Variants in FRMPD4 observed in about 807,000 individuals in gnomAD.
The protein encoded by FRMPD4 is FERM and PDZ domain containing 4.
In FRMPD4, 22 loss-of-function variants were observed where a neutral mutation model predicts 94.1. The ratio of observed to expected loss-of-function variants is 0.23; its 90% CI spans 0.17 to 0.33. FRMPD4 has a LOEUF of 0.33. Among genes scored for constraint, FRMPD4 ranks in the 10% least tolerant of loss-of-function variants. The pLI is 1.00. For synonymous variants in FRMPD4, 631 were observed against 548.6 expected (o/e 1.15, Z -2.10); for missense variants, 1,111 against 1,339.9 (o/e 0.83, Z 2.67).
At chrX:11,930,687 A>AT (rs1175466487) in intron 3 of FRMPD4, among the ~76,000 whole-genome samples, 1 of 111,993 alleles carries the variant, frequency 8.9e-6, no homozygotes, top group African/African-American at 3.2e-5. Context: ...CACAGGAAGC[A>AT]TGAAGATTTG....
intron 1 of FRMPD4, among the ~76,000 whole-genome samples, chrX:12,445,170 CAA>C (rs2057180539): frequency 8.9e-6 from 1 of 111,877 alleles, no homozygotes; most frequent in Admixed American, 9.5e-5. Context: ...CAGTGTTTCT[CAA>C]AGAGTGGTCC....
chrX:12,652,607 A>G (rs930770237), intron 4 of FRMPD4, among the ~76,000 whole-genome samples: 1 of 111,888 alleles, frequency 8.9e-6, no homozygotes, highest in African/African-American at 3.2e-5. Flanking sequence ...TTTTCATACA[A>G]GTAGATTTAA....
intron 3 of FRMPD4, among the ~76,000 whole-genome samples, chrX:11,924,289 C>A (rs1047795413): frequency 9.8e-5 from 11 of 111,693 alleles, no homozygotes; most frequent in Non-Finnish European, 7.5e-5. Context: ...TGACTGGTGT[C>A]CCCGAAAGAG....
intron 1 of FRMPD4, among the ~76,000 whole-genome samples, chrX:12,379,743 GAGTT>G (rs780090706): frequency 6.4e-5 from 7 of 109,041 alleles, no homozygotes; most frequent in African/African-American, 2.0e-4. Context: ...GTCAGCAGCA[GAGTT>G]AGTTAGCAAA....
At chrX:11,953,187 T>G (rs780613769) in intron 3 of FRMPD4, among the ~76,000 whole-genome samples, 38 of 112,293 alleles carry the variant, frequency 3.4e-4, no homozygotes, top group African/African-American at 1.2e-3. Flanking sequence ...CCTACACCTG[T>G]TGGTTTCTCA....
intron 1 of FRMPD4, among the ~76,000 whole-genome samples, chrX:12,470,561 T>G (rs1391119860): frequency 8.9e-6 from 1 of 112,369 alleles, no homozygotes; most frequent in Non-Finnish European, 1.9e-5. Flanking sequence ...TCTTTGTGGC[T>G]AGGCTCACAC....
At chrX:12,374,341 C>T (rs772147838) in intron 1 of FRMPD4, among the ~76,000 whole-genome samples, 7 of 111,614 alleles carry the variant, frequency 6.3e-5, no homozygotes, top group African/African-American at 1.6e-4. Context: ...AATTAGAAAG[C>T]GTAACTTAAA....
At chrX:11,845,540 T>G (rs956597985) in intron 1 of FRMPD4, among the ~76,000 whole-genome samples, 8 of 108,288 alleles carry the variant, frequency 7.4e-5, no homozygotes, top group Non-Finnish European at 1.2e-4. Flanking sequence ...GAGGCCAGCA[T>G]CATCCTGATA....
At chrX:11,877,996 G>A (rs2053794542) in exon 3 of FRMPD4, among the ~76,000 whole-genome samples, 1 of 112,116 alleles carries the variant, frequency 8.9e-6, no homozygotes, top group Non-Finnish European at 1.9e-5. Flanking sequence ...GGCAGCTGAG[G>A]ATGAAGGAGA....
intron 3 of FRMPD4, among the ~76,000 whole-genome samples, chrX:11,886,550 T>A (rs2147317872): frequency 9.0e-6 from 1 of 111,390 alleles, no homozygotes; most frequent in East Asian, 2.8e-4. Context: ...GTATTACAGA[T>A]AATTGCTGAC....
chrX:11,828,899 T>C (rs1454373252), intron 1 of FRMPD4, among the ~76,000 whole-genome samples: 1 of 112,493 alleles, frequency 8.9e-6, no homozygotes, highest in Non-Finnish European at 1.9e-5. Context: ...GTTAGTCCAC[T>C]GACAATTTTG....
chrX:11,959,388 G>A (rs924954572), intron 3 of FRMPD4, among the ~76,000 whole-genome samples: 5 of 112,220 alleles, frequency 4.5e-5, no homozygotes, highest in African/African-American at 6.5e-5. Flanking sequence ...AAAGAGAAAC[G>A]TGTATGTCAT....
intron 3 of FRMPD4, among the ~76,000 whole-genome samples, chrX:11,878,342 C>T (rs2053796407): frequency 8.9e-6 from 1 of 112,054 alleles, no homozygotes; most frequent in African/African-American, 3.2e-5. Context: ...ATTTTAGCTG[C>T]CTGTTCATTT....
At chrX:12,078,733 T>C (rs941783542) in intron 3 of FRMPD4, among the ~76,000 whole-genome samples, 1 of 111,880 alleles carries the variant, frequency 8.9e-6, no homozygotes, top group African/African-American at 3.2e-5. Context: ...TATAATTCTT[T>C]GTGGTGGAGC....
intron 1 of FRMPD4, among the ~76,000 whole-genome samples, chrX:12,284,185 A>G (rs2054566747): frequency 8.9e-6 from 1 of 111,853 alleles, no homozygotes; most frequent in African/African-American, 3.3e-5. Flanking sequence ...TTGGGGAAGT[A>G]TAATATGGGC....
intron 1 of FRMPD4, among the ~76,000 whole-genome samples, chrX:12,309,715 G>C (rs12856437): frequency 0.38 from 42,059 of 111,474 alleles, 5,691 homozygotes; most frequent in Admixed American, 0.54. Flanking sequence ...TAATATCTGA[G>C]AGTATCTATT....
intron 2 of FRMPD4, among the ~76,000 whole-genome samples, chrX:12,592,654 ATAGT>A (rs1481056105): frequency 5.4e-5 from 6 of 111,440 alleles, no homozygotes; most frequent in African/African-American, 2.0e-4. Flanking sequence ...TTTGTCTTCC[ATAGT>A]TAGTCTTTAA....
chrX:11,851,770 C>A (rs764099723), intron 1 of FRMPD4, among the ~76,000 whole-genome samples: 12 of 110,948 alleles, frequency 1.1e-4, no homozygotes, highest in Admixed American at 1.1e-3. Flanking sequence ...AGACAAAGAC[C>A]TAAGAAATGA....
chrX:12,530,252 G>T (rs1035007709), intron 2 of FRMPD4, among the ~76,000 whole-genome samples: 1 of 112,109 alleles, frequency 8.9e-6, no homozygotes, highest in African/African-American at 3.2e-5. Context: ...TGTGACACAT[G>T]CTAGGAATGA....
Sources: gnomAD v4.1 joint callset for allele counts (sites outside exome capture counted in the v4.1 genomes callset) on GRCh38, gnomAD v4.1.1 for gene constraint, MANE v1.5 for transcripts, NCBI Gene and HGNC (gene_info 2026-07-23, HGNC 2026-07-21) for gene names.